Variants in DPY19L1 observed in about 807,000 individuals in gnomAD.
DPY19L1 encodes the protein protein C-mannosyl-transferase DPY19L1.
A neutral mutation model predicts 96.9 loss-of-function variants in DPY19L1; 35 were observed. The observed-to-expected ratio is 0.36, with a 90% confidence interval of 0.28 to 0.48. The LOEUF is 0.48. DPY19L1 is among the 20% of genes least tolerant of loss of function. The probability of loss-of-function intolerance (pLI) is 0.99; values close to 1 mark genes in which losing one functional copy is unlikely to be tolerated. For missense variants in DPY19L1, 521 were observed against 777.9 expected (o/e 0.67, Z 3.93); for synonymous variants, 205 against 252.6 (o/e 0.81, Z 1.79).
chr7:35,015,099 G>GC (rs1165548651), intron 3 of DPY19L1, among the ~76,000 whole-genome samples: 3 of 152,102 alleles, frequency 2.0e-5, no homozygotes, highest in Admixed American at 2.0e-4. Context: ...AAGCCACCTA[G>GC]CTTGTTGCAC....
At chr7:35,010,669 T>C (rs1037093671) in intron 5 of DPY19L1, 108 bp from the exon 6 acceptor site, 17 of 772,296 alleles carry the variant, frequency 2.2e-5, no homozygotes, top group East Asian at 8.3e-5. Flanking sequence ...TTGCCAGATA[T>C]ATTAAATAGC....
intron 18 of DPY19L1, among the ~76,000 whole-genome samples, chr7:34,941,421 C>T (rs528995784): frequency 6.6e-6 from 1 of 152,248 alleles, no homozygotes; most frequent in East Asian, 1.9e-4. Context: ...TTTTCAAGCA[C>T]TTATAACCTG....
At chr7:35,023,493 C>A (rs1405572297) in intron 1 of DPY19L1, among the ~76,000 whole-genome samples, 1 of 152,192 alleles carries the variant, frequency 6.6e-6, no homozygotes, top group Non-Finnish European at 1.5e-5. Context: ...ACGTTCCCAT[C>A]CAGAAGTTAA....
chr7:35,036,405 T>A (rs1441979744), intron 1 of DPY19L1, among the ~76,000 whole-genome samples: 1 of 151,776 alleles, frequency 6.6e-6, no homozygotes, highest in Non-Finnish European at 1.5e-5. Context: ...TACGAATGCG[T>A]CAACTTTGTT....
intron 1 of DPY19L1, among the ~76,000 whole-genome samples, chr7:35,033,497 T>C (rs1055755663): frequency 6.6e-6 from 1 of 152,244 alleles, no homozygotes; most frequent in Non-Finnish European, 1.5e-5. Context: ...ATGAACTTAC[T>C]GTGCTATTTT....
At chr7:35,030,021 T>G (rs1043389494) in intron 1 of DPY19L1, among the ~76,000 whole-genome samples, 7 of 152,218 alleles carry the variant, frequency 4.6e-5, no homozygotes, top group African/African-American at 1.7e-4. Context: ...AGTTCTACAT[T>G]TTTATAACAT....
intron 3 of DPY19L1, among the ~76,000 whole-genome samples, chr7:35,017,489 G>A (rs1412133567): frequency 1.4e-4 from 8 of 55,848 alleles, no homozygotes; most frequent in East Asian, 4.3e-4. Context: ...GCGACAGAGC[G>A]AGACTCCGTC....
At chr7:34,948,073 T>A (rs1276249004) in intron 14 of DPY19L1, among the ~76,000 whole-genome samples, 1 of 151,878 alleles carries the variant, frequency 6.6e-6, no homozygotes, top group Non-Finnish European at 1.5e-5. Flanking sequence ...AAAAATATTA[T>A]CCTTGAAACA....
intron 14 of DPY19L1, among the ~76,000 whole-genome samples, chr7:34,948,534 GA>G (rs1784201610): frequency 6.6e-6 from 1 of 152,146 alleles, no homozygotes; most frequent in African/African-American, 2.4e-5. Flanking sequence ...TGGTATGCTG[GA>G]AACAGTTTTG....
intron 10 of DPY19L1, among the ~76,000 whole-genome samples, chr7:34,965,629 T>C (rs1036881026): frequency 1.3e-5 from 2 of 152,208 alleles, no homozygotes; most frequent in African/African-American, 4.8e-5. Context: ...TATGACCGTG[T>C]TTATAACTTC....
At chr7:34,957,211 C>T (rs1263231080) in intron 11 of DPY19L1, among the ~76,000 whole-genome samples, 4 of 151,388 alleles carry the variant, frequency 2.6e-5, no homozygotes, top group Non-Finnish European at 4.4e-5. Context: ...GGAGAAACCC[C>T]GTCTCTACTA....
chr7:35,028,433 A>G (rs1483569308), intron 1 of DPY19L1, among the ~76,000 whole-genome samples: 6 of 152,282 alleles, frequency 3.9e-5, no homozygotes, highest in African/African-American at 1.4e-4. Context: ...AAATGTTCAC[A>G]TATTTTAAAT....
intron 1 of DPY19L1, among the ~76,000 whole-genome samples, chr7:35,027,243 G>C (rs910734489): frequency 1.3e-5 from 2 of 151,792 alleles, no homozygotes; most frequent in African/African-American, 4.8e-5. Context: ...TTTTCTCTTT[G>C]GTTGTCTCCA....
chr7:35,035,587 A>C (rs1196230212), intron 1 of DPY19L1, among the ~76,000 whole-genome samples: 1 of 152,252 alleles, frequency 6.6e-6, no homozygotes, highest in East Asian at 1.9e-4. Flanking sequence ...ATCTCAAATC[A>C]GCATCACACA....
intron 6 of DPY19L1, among the ~76,000 whole-genome samples, chr7:34,997,558 T>G (rs1175627073): frequency 1.2e-4 from 16 of 136,842 alleles, no homozygotes; most frequent in African/African-American, 4.5e-4. Flanking sequence ...TGCAGTGAGC[T>G]GAGATCGCGC....
At chr7:35,000,466 T>G (rs1443771593) in intron 6 of DPY19L1, 1 of 152,198 alleles carries the variant, frequency 6.6e-6, no homozygotes, top group Non-Finnish European at 1.5e-5. Context: ...CAACATGCAG[T>G]ATGTTACCTT....
intron 6 of DPY19L1, among the ~76,000 whole-genome samples, chr7:35,009,681 G>A (rs781700025): frequency 7.2e-5 from 11 of 152,150 alleles, no homozygotes; most frequent in Non-Finnish European, 1.5e-4. Context: ...GACATTGGAA[G>A]AAGAACCACA....
chr7:34,981,852 G>A (rs988586016), intron 7 of DPY19L1, among the ~76,000 whole-genome samples: 1 of 152,150 alleles, frequency 6.6e-6, no homozygotes, highest in Non-Finnish European at 1.5e-5. Flanking sequence ...TTGGGAGGCT[G>A]AGGCATGAGA....
At chr7:35,002,125 C>CAAAAAA (rs548044939) in intron 6 of DPY19L1, among the ~76,000 whole-genome samples, 2 of 47,058 alleles carry the variant, frequency 4.3e-5, no homozygotes, top group East Asian at 5.8e-4. Flanking sequence ...GACTCCAGCT[C>CAAAAAA]AAAAAAAAAA....
Sources: gnomAD v4.1 joint callset for allele counts (sites outside exome capture counted in the v4.1 genomes callset) on GRCh38, gnomAD v4.1.1 for gene constraint, MANE v1.5 for transcripts, NCBI Gene and HGNC (gene_info 2026-07-23, HGNC 2026-07-21) for gene names.